Variants in PLD5 observed in about 807,000 individuals in gnomAD.
PLD5 encodes the protein phospholipase D family member 5, also known as inactive phospholipase D5.
In PLD5, 36 loss-of-function variants were observed where a neutral mutation model predicts 61.1. The observed-to-expected ratio is 0.59, with a 90% CI of 0.45 to 0.78. The LOEUF is 0.78. PLD5 is among the 30% of genes least tolerant of loss of function. PLD5 has a pLI of 0.00. For missense variants in PLD5, 515 were observed against 644.4 expected (o/e 0.80, Z 2.17); for synonymous variants, 243 against 242.8 (o/e 1.00, Z -0.01).
rs199954683 is a variant in PLD5 at position 242,161,505 on chromosome 1, T to C, written c.736-36840A>G. On this transcript the variant is annotated intron_variant, in intron 5 of 9. Transcript: ENST00000536534. Reference sequence around the variant, plus strand: ...AGTATTAAAGTGGTTGAATTTGCAATGTATGTTTCTCTTTAAGTTTCCTAT... The same window carrying C: ...AGTATTAAAGTGGTTGAATTTGCAACGTATGTTTCTCTTTAAGTTTCCTAT... Among the ~76,000 whole-genome samples, 4 of 152,264 alleles carry C rather than the reference T, an allele frequency of 2.6e-5. No homozygotes were observed. In the East Asian group the frequency reaches 7.7e-4, roughly 29 times the overall value.
intron 2 of PLD5, among the ~76,000 whole-genome samples, chr1:242,300,419 G>A (rs1206821769): frequency 2.0e-5 from 3 of 151,964 alleles, no homozygotes; most frequent in Non-Finnish European, 4.4e-5. Context: ...ACTCCAGCCT[G>A]GGGTGGGGTG....
chr1:242,431,861 A>T (rs1401406464), intron 1 of PLD5, among the ~76,000 whole-genome samples: 3 of 152,216 alleles, frequency 2.0e-5, no homozygotes, highest in Non-Finnish European at 4.4e-5. Context: ...GTGTAAGAAG[A>T]TTATAAAGTT....
chr1:242,450,106 C>T (rs561823796), intron 1 of PLD5, among the ~76,000 whole-genome samples: 1 of 152,234 alleles, frequency 6.6e-6, no homozygotes, highest in African/African-American at 2.4e-5. Context: ...TATATGAAAC[C>T]ACGGGGCTCT....
At chr1:242,095,157 T>C (rs1285201749) in intron 9 of PLD5, among the ~76,000 whole-genome samples, 2 of 152,012 alleles carry the variant, frequency 1.3e-5, no homozygotes, top group Non-Finnish European at 2.9e-5. Context: ...GGATGGTCTC[T>C]ATCTCCTGAC....
intron 1 of PLD5, among the ~76,000 whole-genome samples, chr1:242,448,340 C>G (rs1666632897): frequency 6.6e-6 from 1 of 152,154 alleles, no homozygotes; most frequent in Admixed American, 6.5e-5. Context: ...ATTCCCAACC[C>G]TCCCTTCATC....
chr1:242,242,946 C>T (rs1011878750), intron 4 of PLD5, among the ~76,000 whole-genome samples: 1 of 152,232 alleles, frequency 6.6e-6, no homozygotes, highest in Non-Finnish European at 1.5e-5. Flanking sequence ...GAGTCTGTGC[C>T]TCACCTCTCT....
chr1:242,241,039 G>A (rs752883677), intron 4 of PLD5, among the ~76,000 whole-genome samples: 11 of 152,146 alleles, frequency 7.2e-5, no homozygotes, highest in South Asian at 4.1e-4. Context: ...ATTAATTTGC[G>A]TTGGCCTCAT....
Position 242,247,044 on chromosome 1 carries a change from C to T in PLD5, c.607+18293G>A, listed in dbSNP as rs541941788. Among the ~76,000 whole-genome samples the T allele has an allele frequency of 3.5e-3, 513 of 147,244 alleles. 3 individuals are homozygous for T. Among genetic ancestry groups the T allele is most frequent in the African/African-American group, 0.012 (476 of 39,246 alleles). On this transcript the variant is annotated intron_variant, in intron 4 of 9. Coordinates refer to ENST00000536534, the MANE Select transcript of PLD5 (RefSeq NM_001372062.1). ...TGTCGCCCAGGCTGGAGTGCAGTGG[C>T]GCGATCTCGACTCACTGCAAGCTCC...
intron 5 of PLD5, among the ~76,000 whole-genome samples, chr1:242,136,275 G>A (rs1663721884): frequency 6.6e-6 from 1 of 152,192 alleles, no homozygotes; most frequent in South Asian, 2.1e-4. Flanking sequence ...TGAATCAGGT[G>A]TGAACACTCC....
intron 5 of PLD5, among the ~76,000 whole-genome samples, chr1:242,172,645 C>A (rs754091371): frequency 6.6e-6 from 1 of 151,746 alleles, no homozygotes; most frequent in Non-Finnish European, 1.5e-5. Flanking sequence ...AACAAATAAA[C>A]AAGAAAATAG....
chr1:242,102,476 A>T (rs1364712107), intron 8 of PLD5, among the ~76,000 whole-genome samples: 1 of 151,910 alleles, frequency 6.6e-6, no homozygotes, highest in African/African-American at 2.4e-5. Flanking sequence ...TTAATTTGTT[A>T]AAAAAAACTA....
intron 5 of PLD5, among the ~76,000 whole-genome samples, chr1:242,164,218 A>G (rs923086344): frequency 1.3e-5 from 2 of 152,176 alleles, no homozygotes; most frequent in Admixed American, 1.3e-4. Flanking sequence ...GAAAGTGCAG[A>G]AAAACCATCT....
At chr1:242,438,453 T>G (rs932191991) in intron 1 of PLD5, among the ~76,000 whole-genome samples, 13 of 147,972 alleles carry the variant, frequency 8.8e-5, no homozygotes, top group Admixed American at 7.4e-4. Context: ...TTTTTTTTTT[T>G]TTTTTTTTGA....
At chr1:242,375,763 T>C (rs1280156439) in intron 1 of PLD5, among the ~76,000 whole-genome samples, 1 of 152,190 alleles carries the variant, frequency 6.6e-6, no homozygotes, top group Non-Finnish European at 1.5e-5. Flanking sequence ...AAAGCAGAAC[T>C]ACCAACATTA....
At chr1:242,148,614 C>A (rs1283822954) in intron 5 of PLD5, among the ~76,000 whole-genome samples, 1 of 151,892 alleles carries the variant, frequency 6.6e-6, no homozygotes, top group Non-Finnish European at 1.5e-5. Context: ...TTCTAAATGA[C>A]AAATACAATA....
chr1:242,140,561 CA>C (rs1465733957), intron 5 of PLD5, among the ~76,000 whole-genome samples: 3 of 152,114 alleles, frequency 2.0e-5, no homozygotes, highest in African/African-American at 7.2e-5. Flanking sequence ...CGCTTTAGCC[CA>C]GGGGGTTGAG....
intron 1 of PLD5, among the ~76,000 whole-genome samples, chr1:242,454,730 G>A (rs1666894896): frequency 6.6e-6 from 1 of 152,134 alleles, no homozygotes; most frequent in Admixed American, 6.5e-5. Flanking sequence ...CCTTAAGTAG[G>A]GTAGCAGCCA....
chr1:242,199,122 T>G (rs2148951383), intron 5 of PLD5, among the ~76,000 whole-genome samples: 1 of 152,362 alleles, frequency 6.6e-6, no homozygotes, highest in East Asian at 1.9e-4. Flanking sequence ...ATTTTCCCTG[T>G]TTCTTTTTGC....
At chr1:242,489,650 A>G (rs186090238) in intron 1 of PLD5, among the ~76,000 whole-genome samples, 153 of 152,356 alleles carry the variant, frequency 1.0e-3, no homozygotes, top group Non-Finnish European at 1.7e-3. Context: ...ATGTTACATT[A>G]AAAAACAATA....
Sources: gnomAD v4.1 joint callset for allele counts (sites outside exome capture counted in the v4.1 genomes callset) on GRCh38, gnomAD v4.1.1 for gene constraint, MANE v1.5 for transcripts, NCBI Gene and HGNC (gene_info 2026-07-23, HGNC 2026-07-21) for gene names.